Variants in EZH2 observed in about 807,000 individuals in gnomAD.
EZH2 encodes enhancer of zeste 2 polycomb repressive complex 2 subunit, also known as histone-lysine N-methyltransferase EZH2.
EZH2 carries 18 observed loss-of-function variants against 98.4 expected under a neutral mutation model. The observed-to-expected ratio is 0.18, with a 90% CI of 0.13 to 0.27. The LOEUF is 0.27. EZH2 is among the 10% of genes least tolerant of loss of function. The pLI, the probability that EZH2 is intolerant of heterozygous loss-of-function variation, is 1.00. For synonymous variants in EZH2, 338 were observed against 312.3 expected (o/e 1.08, Z -0.87); for missense variants, 470 against 935.1 (o/e 0.50, Z 6.49).
chr7:148,845,827 GA>G (rs1345190399), intron 3 of EZH2, among the ~76,000 whole-genome samples: 1 of 152,112 alleles, frequency 6.6e-6, no homozygotes, highest in Non-Finnish European at 1.5e-5. Context: ...CTTAAAAACA[GA>G]AATGCCTAAG....
At chr7:148,814,736 C>A (rs1032350945) in intron 14 of EZH2, among the ~76,000 whole-genome samples, 178 bp downstream of exon 14, 2 of 152,254 alleles carry the variant, frequency 1.3e-5, no homozygotes, top group South Asian at 2.1e-4. Flanking sequence ...AACACCCAGG[C>A]GACTGACTGG....
intron 1 of EZH2, among the ~76,000 whole-genome samples, chr7:148,881,496 C>T (rs1820946781): frequency 6.6e-6 from 1 of 152,112 alleles, no homozygotes; most frequent in African/African-American, 2.4e-5. Flanking sequence ...CTTAAACTGA[C>T]TAAATACATT....
rs1300558826 is a variant in EZH2 at position 148,807,551 on chromosome 7, C to T, written c.*95G>A. On this transcript the variant is annotated 3_prime_UTR_variant, in exon 20 of 20. Transcript: ENST00000320356. The stretch of plus-strand genomic sequence containing the variant: ...ACAGTACTTTGCAAATTCAGAATTT[C>T]AAACTGCATGTTCTTTTTCTAAATT... The T allele has an allele frequency of 1.9e-5, 20 of 1,046,502 alleles. No individual in the cohort carries two copies. Among genetic ancestry groups the T allele is most frequent in the Non-Finnish European group, 2.7e-5 (19 of 692,730 alleles). 64.8% of individuals were successfully genotyped at this position (1,046,502 alleles called of 1,614,324 possible).
chr7:148,845,576 T>G (rs1271193557), intron 3 of EZH2, among the ~76,000 whole-genome samples: 1 of 152,198 alleles, frequency 6.6e-6, no homozygotes, highest in Non-Finnish European at 1.5e-5. Flanking sequence ...TGTCACACAA[T>G]CTCCAGAAGG....
chr7:148,841,442 C>T (rs1447882784), intron 3 of EZH2, among the ~76,000 whole-genome samples: 1 of 152,156 alleles, frequency 6.6e-6, no homozygotes, highest in Non-Finnish European at 1.5e-5. Flanking sequence ...GAAAGCAACT[C>T]AGAGACCACT....
Position 148,816,970 on chromosome 7 carries a change from T to C in EZH2, c.1411-192A>G, listed in dbSNP as rs573993843. 12 of 596,044 alleles carry C rather than the reference T, an allele frequency of 2.0e-5. No homozygotes were observed. In the South Asian group the frequency reaches 2.8e-4, roughly 14 times the overall value. The allele number at this position is 596,044 out of a possible 1,614,324, so 36.9% of individuals were successfully genotyped here. A position where few individuals can be genotyped will look rare whatever the true frequency, so the allele number is the denominator to read the frequency against. ...ATTATATTCTGGTCAAGAACTGTGA[T>C]GCTAAATTTCAATTCTTACTAGCTT... On this transcript the variant is annotated intron_variant, in intron 11 of 19. Transcript: ENST00000320356.
intron 1 of EZH2, among the ~76,000 whole-genome samples, chr7:148,850,994 T>A (rs1026021249): frequency 2.6e-5 from 4 of 152,122 alleles, no homozygotes; most frequent in African/African-American, 9.7e-5. Flanking sequence ...GACTGCAGTT[T>A]GAATGAGTAA....
At chr7:148,828,011 G>A (rs543417918) in intron 6 of EZH2, among the ~76,000 whole-genome samples, 195 of 152,294 alleles carry the variant, frequency 1.3e-3, no homozygotes, top group African/African-American at 4.4e-3. Flanking sequence ...CCAGCTACTC[G>A]GGAGGCTGAG....
chr7:148,832,861 A>T (rs1563255157), intron 3 of EZH2, 111 bp from the exon 4 acceptor site: 1 of 619,678 alleles, frequency 1.6e-6, no homozygotes, highest in South Asian at 2.8e-5. Context: ...TTTGAAAAAA[A>T]AGTCCTTACC....
chr7:148,836,774 C>T (rs1210788593), intron 3 of EZH2: 1 of 467,824 alleles, frequency 2.1e-6, no homozygotes, highest in South Asian at 1.6e-5. Flanking sequence ...CAGAGAAACA[C>T]AGCTTACTGG....
At chr7:148,814,161 C>A in intron 14 of EZH2, 24 bp from the exon 15 acceptor site, 2 of 1,607,782 alleles carry the variant, frequency 1.2e-6, no homozygotes, top group Non-Finnish European at 1.7e-6. Flanking sequence ...TTTGGAGGTT[C>A]TTCACTCATC....
chr7:148,873,216 G>C lies in EZH2; in HGVS notation c.-8+10948C>G, dbSNP rs143141330. ...AAGAAAAAAGAAAAAAAGAGGCCGG[G>C]CATGGTGGCTCATGCCTGTAATCCT... is the stretch of plus-strand genomic sequence containing the variant. On this transcript the variant is annotated intron_variant, in intron 1 of 19. Coordinates refer to ENST00000320356, the MANE Select transcript of EZH2 (RefSeq NM_004456.5). Among the ~76,000 whole-genome samples the C allele has an allele frequency of 5.2e-3, 790 of 152,028 alleles. 7 individuals carry two copies. The highest frequency in any genetic ancestry group is 0.018 in the African/African-American group (728 of 41,500).
At chr7:148,824,082 G>C (rs1168041844) in intron 8 of EZH2, among the ~76,000 whole-genome samples, 2 of 151,938 alleles carry the variant, frequency 1.3e-5, no homozygotes, top group African/African-American at 4.8e-5. Context: ...TGGGAGGCCA[G>C]GGCAGGTGGA....
intron 1 of EZH2, among the ~76,000 whole-genome samples, chr7:148,859,425 G>C (rs913915355): frequency 6.6e-6 from 1 of 152,002 alleles, no homozygotes; most frequent in African/African-American, 2.4e-5. Flanking sequence ...AGAATCACTT[G>C]AGCCCAGGAA....
chr7:148,870,768 A>T (rs1819251213), intron 1 of EZH2, among the ~76,000 whole-genome samples: 1 of 152,034 alleles, frequency 6.6e-6, no homozygotes, highest in South Asian at 2.1e-4. Context: ...CGACTCTATA[A>T]AAATGCAAAA....
intron 5 of EZH2, among the ~76,000 whole-genome samples, chr7:148,829,272 G>C (rs906370198): frequency 6.6e-6 from 1 of 152,042 alleles, no homozygotes; most frequent in Admixed American, 6.5e-5. Flanking sequence ...CACTTTAACA[G>C]GGCCTCCTGG....
intron 1 of EZH2, among the ~76,000 whole-genome samples, chr7:148,848,091 CTCCTAAAGTATTAAAA>C (rs1814643886): frequency 6.6e-6 from 1 of 152,184 alleles, no homozygotes; most frequent in Non-Finnish European, 1.5e-5. Flanking sequence ...AGAACATTTT[CTCCTAAAGTATTAAAA>C]TCATCCTGTA....
Position 148,826,513 on chromosome 7 carries a change from G to A in EZH2, c.848C>T (p.Thr283Met), listed in dbSNP as rs587778304. 5.6e-6 allele frequency: 9 copies of A among 1,605,380 alleles called. No homozygotes were observed. The highest frequency in any genetic ancestry group is 7.7e-6 in the Non-Finnish European group (9 of 1,174,628). ...QREQSLHSFHTLFCRRCFKYD... is the reference protein window; with the variant it reads ...QREQSLHSFHMLFCRRCFKYD... Reference sequence around the variant, plus strand: ...TTTAAAACATCGCCTACAGAAAAGCGTATGAAAGGAGTGTAAGCTTTGCTC... The same window carrying A: ...TTTAAAACATCGCCTACAGAAAAGCATATGAAAGGAGTGTAAGCTTTGCTC... The change falls in exon 8 of 20, where the codon ACG becomes ATG. Residue 283 changes from threonine to methionine, a missense_variant. Physicochemically the swap from Thr to Met is moderately conservative, Grantham distance 81. Coordinates refer to ENST00000320356, the MANE Select transcript of EZH2 (RefSeq NM_004456.5).
chr7:148,847,778 T>C (rs1476968601), intron 1 of EZH2, among the ~76,000 whole-genome samples: 1 of 152,152 alleles, frequency 6.6e-6, no homozygotes, highest in Non-Finnish European at 1.5e-5. Context: ...AAACATACAG[T>C]TCACCATATA....
Sources: gnomAD v4.1 joint callset for allele counts (sites outside exome capture counted in the v4.1 genomes callset) on GRCh38, gnomAD v4.1.1 for gene constraint, MANE v1.5 for transcripts, NCBI Gene and HGNC (gene_info 2026-07-23, HGNC 2026-07-21) for gene names.